NXN: variants seen among roughly 807,000 people sequenced by gnomAD.
NXN encodes nucleoredoxin.
NXN carries 16 observed loss-of-function variants against 48.6 expected under a neutral mutation model. The observed-to-expected ratio is 0.33, with a 90% CI of 0.22 to 0.50. The LOEUF (loss-of-function observed/expected upper bound fraction) is 0.50. Among genes scored for constraint, NXN ranks in the 20% least tolerant of loss-of-function variants. The pLI is 0.98. For missense variants in NXN, 492 were observed against 605.5 expected, an observed-to-expected ratio of 0.81 and a Z score of 1.97; for synonymous variants, 281 against 269.6, an observed-to-expected ratio of 1.04 and a Z score of -0.41.
Position 979,775 on chromosome 17 carries a change from G to A in NXN, c.-97C>T, listed in dbSNP as rs1217520971. The A allele has an allele frequency of 1.9e-6, 2 of 1,038,772 alleles. No homozygotes were observed. Among genetic ancestry groups the A allele is most frequent in the Non-Finnish European group, 2.5e-6 (2 of 816,078 alleles). The allele number at this position is 1,038,772 out of a possible 1,614,324, so 64.3% of individuals were successfully genotyped here. ...GCGTCGGCGGCAGGCGCTGGGGAGA[G>A]CAGAGCCCGGCCCAGTAGGGCCGCC... On this transcript the variant is annotated 5_prime_UTR_variant, in exon 1 of 8. Coordinates refer to ENST00000336868, the MANE Select transcript of NXN (RefSeq NM_022463.5).
intron 1 of NXN, among the ~76,000 whole-genome samples, chr17:891,541 T>C (rs2068416611): frequency 6.6e-6 from 1 of 152,222 alleles, no homozygotes; most frequent in African/African-American, 2.4e-5. Flanking sequence ...ACAATGAGAC[T>C]AGGACAACTG....
chr17:813,822 T>C (rs574253389), intron 5 of NXN, among the ~76,000 whole-genome samples: 69 of 151,880 alleles, frequency 4.5e-4, no homozygotes, highest in Non-Finnish European at 8.4e-4. Flanking sequence ...AAAAATTAGC[T>C]GGGCGTAGTG....
intron 1 of NXN, among the ~76,000 whole-genome samples, chr17:967,899 G>A (rs755345983): frequency 2.6e-5 from 4 of 151,988 alleles, no homozygotes; most frequent in African/African-American, 9.7e-5. Flanking sequence ...GTGAACCCAG[G>A]AGGCGGAGCT....
At chr17:966,593 G>A (rs569747850) in intron 1 of NXN, among the ~76,000 whole-genome samples, 7 of 151,366 alleles carry the variant, frequency 4.6e-5, no homozygotes, top group African/African-American at 2.4e-5. Flanking sequence ...GGGATCCGTC[G>A]ACTTCAGCCT....
chr17:822,636 C>A lies in NXN; in HGVS notation c.613-179G>T, dbSNP rs141400811. On this transcript the variant is annotated intron_variant, in intron 3 of 7. Coordinates refer to ENST00000336868, the MANE Select transcript of NXN (RefSeq NM_022463.5). ...ACCTGGGAGGCTGAGGTCAGAAGAT[C>A]GCTTGAGCCCAGGAGTTTGAGGCCA... 3.5e-3 allele frequency among the ~76,000 whole-genome samples: 529 copies of A among 152,196 alleles called. 1 individual carries two copies. Among genetic ancestry groups the A allele is most frequent in the Admixed American group, 6.0e-3 (91 of 15,276 alleles).
At chr17:823,457 CT>C (rs911908467) in intron 3 of NXN, among the ~76,000 whole-genome samples, 174 bp downstream of exon 3, 1 of 152,026 alleles carries the variant, frequency 6.6e-6, no homozygotes, top group Non-Finnish European at 1.5e-5. Context: ...TTTCTTGCTG[CT>C]TTTTTCATTC....
At chr17:961,227 C>T (rs143079654) in intron 1 of NXN, among the ~76,000 whole-genome samples, 2,653 of 152,100 alleles carry the variant, frequency 0.017, 54 homozygotes, top group African/African-American at 0.048. Context: ...AAGCCCTTCT[C>T]TGCTAAAAAT....
chr17:803,320 G>A (rs963339573), intron 7 of NXN, among the ~76,000 whole-genome samples: 7 of 152,180 alleles, frequency 4.6e-5, no homozygotes, highest in African/African-American at 9.7e-5. Flanking sequence ...TGCAGCCAGC[G>A]CGGAGGCACG....
chr17:940,465 G>A (rs947220599), intron 1 of NXN, among the ~76,000 whole-genome samples: 2 of 152,198 alleles, frequency 1.3e-5, no homozygotes, highest in South Asian at 2.1e-4. Flanking sequence ...AGGGCCGTGG[G>A]CAACTTCCAA....
chr17:880,658 C>A (rs1310633254), intron 1 of NXN, among the ~76,000 whole-genome samples: 1 of 152,150 alleles, frequency 6.6e-6, no homozygotes, highest in East Asian at 1.9e-4. Flanking sequence ...ACAGAATCTT[C>A]CAAGTTCGCC....
rs1225818867 is a variant in NXN at position 919,359 on chromosome 17, C to T, written c.360+59960G>A. ...GCCTGGTGACAGAGTGAGACTCTGT[C>T]TCAAAACAAAACAAAAAAAAGGTTC... On this transcript the variant is annotated intron_variant, in intron 1 of 7. Transcript: ENST00000336868. This position sits in a 1 kb window ranked among gnomAD's most constrained non-coding sequence, Gnocchi z 5.1. Among the ~76,000 whole-genome samples, 2 of 142,844 alleles carry T rather than the reference C, an allele frequency of 1.4e-5. No homozygotes were observed. The highest frequency in any genetic ancestry group is 5.3e-4 in the East Asian group (2 of 3,792). 93.7% of individuals were successfully genotyped at this position (142,844 alleles called of 152,430 possible). A position where few individuals can be genotyped will look rare whatever the true frequency, so the allele number is the denominator to read the frequency against.
At position 840,372 on chromosome 17, in the gene NXN, C is replaced by T. The variant is rs1215822565; in HGVS notation, c.361-14294G>A. Among the ~76,000 whole-genome samples, 7 of 152,136 alleles carry T rather than the reference C, an allele frequency of 4.6e-5. No individual in the cohort carries two copies. The East Asian group carries it at 7.8e-4, about 17-fold the overall frequency. ...TTTTTTTTCTTGAGACGGAGTCTCG[C>T]TCTGCCGCCCAGGCTGGGGTGAAGT... On this transcript the variant is annotated intron_variant, in intron 1 of 7. Coordinates refer to ENST00000336868, the MANE Select transcript of NXN (RefSeq NM_022463.5).
intron 1 of NXN, among the ~76,000 whole-genome samples, chr17:950,154 CTT>C (rs2069093241): frequency 1.3e-5 from 2 of 152,182 alleles, no homozygotes. Context: ...AGCAGGGAAT[CTT>C]TTTAACTAGA....
At chr17:883,227 G>GTGT (rs1213161390) in intron 1 of NXN, among the ~76,000 whole-genome samples, 1 of 152,230 alleles carries the variant, frequency 6.6e-6, no homozygotes, top group East Asian at 1.9e-4. Context: ...AACTCAGACA[G>GTGT]CGACGGTGTC....
intron 1 of NXN, among the ~76,000 whole-genome samples, chr17:890,159 TA>T (rs1567850571): frequency 6.6e-6 from 1 of 151,950 alleles, no homozygotes; most frequent in African/African-American, 2.4e-5. Context: ...AACTTAAGAA[TA>T]AATCCCATCT....
At chr17:853,392 G>A (rs957615978) in intron 1 of NXN, among the ~76,000 whole-genome samples, 2 of 151,970 alleles carry the variant, frequency 1.3e-5, no homozygotes, top group African/African-American at 2.4e-5. Flanking sequence ...ATGTTACAGT[G>A]AGCCGAGATC....
In NXN at chr17:825,008, T is replaced by C. The variant is rs1030643673; in HGVS notation, c.478+953A>G. ...ACTTTGGGAGGCCGAGGTGGGCGGA[T>C]TGCTTGAGCTCAAAAGTTTTGAGAC... On this transcript the variant is annotated intron_variant, in intron 2 of 7. Coordinates refer to ENST00000336868, the MANE Select transcript of NXN (RefSeq NM_022463.5). This position sits in a 1 kb window ranked among gnomAD's most constrained non-coding sequence, Gnocchi z 4.1. Among the ~76,000 whole-genome samples the C allele has an allele frequency of 3.9e-5, 6 of 152,078 alleles. No individual in the cohort carries two copies. The highest frequency in any genetic ancestry group is 7.4e-5 in the Non-Finnish European group (5 of 68,008).
chr17:962,270 T>A (rs2069246983), intron 1 of NXN, among the ~76,000 whole-genome samples: 1 of 152,184 alleles, frequency 6.6e-6, no homozygotes, highest in Non-Finnish European at 1.5e-5. Flanking sequence ...TGCAGGTGAA[T>A]TTTCCTAAGC....
chr17:831,793 C>G (rs572798265), intron 1 of NXN, among the ~76,000 whole-genome samples: 25 of 151,752 alleles, frequency 1.6e-4, no homozygotes, highest in Non-Finnish European at 3.4e-4. Flanking sequence ...ACCCACTGCG[C>G]CTGGCCTTCC....
Sources: allele counts gnomAD v4.1 joint callset (sites outside exome capture counted in the v4.1 genomes callset), GRCh38; gene constraint gnomAD v4.1.1; non-coding constraint Gnocchi (gnomAD v3.1); transcripts MANE v1.5; gene names NCBI Gene and HGNC (gene_info 2026-07-23, HGNC 2026-07-21).